The following ZNF383 variants were observed in gnomAD, a reference collection of about 807,000 sequenced individuals.
ZNF383 encodes zinc finger protein 383.
Under a neutral mutation model 44.2 loss-of-function variants are expected in ZNF383, and 32 were observed. The ratio of observed to expected loss-of-function variants is 0.72; its 90% CI spans 0.55 to 0.97. ZNF383 has a LOEUF of 0.97. ZNF383 is among the 50% of genes least tolerant of loss of function. The probability of loss-of-function intolerance (pLI) is 0.00; values close to 1 mark genes in which losing one functional copy is unlikely to be tolerated. For missense variants in ZNF383, 487 were observed against 562.5 expected, an observed-to-expected ratio of 0.87 and a Z score of 1.36; for synonymous variants, 155 against 186.2, an observed-to-expected ratio of 0.83 and a Z score of 1.36.
chr19:37,227,104 G>A (rs1270062106), intron 2 of ZNF383, among the ~76,000 whole-genome samples: 1 of 140,410 alleles, frequency 7.1e-6, no homozygotes, highest in Non-Finnish European at 1.5e-5. Context: ...ACTGCACCCA[G>A]CCAGGCTTTT....
intron 4 of ZNF383, 108 bp from the exon 5 acceptor site, chr19:37,235,871 A>G: frequency 1.6e-6 from 2 of 1,230,388 alleles, no homozygotes; most frequent in Non-Finnish European, 2.3e-6. Flanking sequence ...CTTCATCTTC[A>G]TCTTTCTTTG....
chr19:37,242,693 C>T lies in ZNF383; in HGVS notation c.457C>T (p.Gln153Ter), dbSNP rs1365496667. Residue 153 changes from glutamine to a stop codon, truncating the protein, a stop_gained, in exon 6 of 6, where the codon CAA (glutamine) becomes TAA (stop). Coordinates refer to ENST00000684119, the MANE Select transcript of ZNF383 (RefSeq NM_001387601.1). LOFTEE classifies it high-confidence loss of function. The part of the protein sequence containing the change: ...FTPEYMPTFI[Q>*]QTFLTLHQII... ...TCCTGAATACATGCCCACATTTATT[C>T]AACAGACATTCCTTACTCTCCATCA... 5.6e-6 allele frequency: 9 copies of T among 1,613,914 alleles called. No homozygotes were observed. Among genetic ancestry groups the T allele is most frequent in the South Asian group, 1.1e-5 (1 of 91,074 alleles).
intron 2 of ZNF383, among the ~76,000 whole-genome samples, chr19:37,229,026 G>A (rs1973319118): frequency 6.6e-6 from 1 of 151,578 alleles, no homozygotes; most frequent in Non-Finnish European, 1.5e-5. Context: ...TCTGTTTATT[G>A]TTGTGTAAGT....
chr19:37,243,500 T>A lies in ZNF383; in HGVS notation c.1264T>A (p.Tyr422Asn), dbSNP rs751721571. ...HQRIHTDEKP[Y>N]ECNECGKAFN... ...GAGAATTCATACAGATGAAAAACCA[T>A]ATGAATGTAATGAATGTGGAAAGGC... The change falls in exon 6 of 6, where the codon TAT becomes AAT. Residue 422 changes from tyrosine to asparagine, a missense_variant. By Grantham distance (143) the Tyr-to-Asn change is moderately radical. Transcript: ENST00000684119. 69 of 1,614,040 alleles carry A rather than the reference T, an allele frequency of 4.3e-5. No homozygotes were observed. Among genetic ancestry groups the A allele is most frequent in the Non-Finnish European group, 5.6e-5 (66 of 1,179,986 alleles).
In ZNF383 at chr19:37,248,113, G is replaced by A. The variant is rs1481606654; in HGVS notation, c.*4449G>A. On this transcript the variant is annotated 3_prime_UTR_variant, in exon 6 of 6. Transcript: ENST00000684119. ...ATCATGCCATTGCACTCCAGCCTGG[G>A]CAACAAGAGTGAAACTCTCTCAAAA... is the stretch of plus-strand genomic sequence containing the variant. The A allele has an allele frequency of 6.6e-6, 1 of 152,182 alleles. No homozygotes were observed. Among genetic ancestry groups the A allele is most frequent in the Non-Finnish European group, 1.5e-5 (1 of 68,040 alleles). 9.4% of individuals were successfully genotyped at this position (152,182 alleles called of 1,614,324 possible).
At chr19:37,235,799 G>C in intron 4 of ZNF383, 124 bp downstream of exon 4, 1 of 1,372,670 alleles carries the variant, frequency 7.3e-7, no homozygotes, top group Non-Finnish European at 9.9e-7. Flanking sequence ...CAAACAAATG[G>C]TTTGAGCTGA....
intron 1 of ZNF383, among the ~76,000 whole-genome samples, 180 bp from the exon 2 acceptor site, chr19:37,224,638 G>T (rs937969296): frequency 6.6e-6 from 1 of 150,770 alleles, no homozygotes; most frequent in East Asian, 2.0e-4. Context: ...CTGCAAACTC[G>T]ACCTTCCAGG....
At chr19:37,236,998 G>C (rs62107482) in intron 5 of ZNF383, among the ~76,000 whole-genome samples, 3,675 of 125,226 alleles carry the variant, frequency 0.029, 173 homozygotes, top group African/African-American at 0.091. Context: ...CACACACAGA[G>C]ACACACACAC....
intron 1 of ZNF383, among the ~76,000 whole-genome samples, chr19:37,220,505 G>A (rs1037431151): frequency 7.3e-5 from 11 of 151,488 alleles, no homozygotes; most frequent in Admixed American, 7.2e-4. Context: ...CTCAGGTGAG[G>A]CCTCCCAAAG....
intron 3 of ZNF383, among the ~76,000 whole-genome samples, chr19:37,232,839 T>C (rs1339057527): frequency 6.6e-6 from 1 of 152,266 alleles, no homozygotes; most frequent in Non-Finnish European, 1.5e-5. Context: ...TGTGAACTCA[T>C]GGATTAAACA....
intron 2 of ZNF383, among the ~76,000 whole-genome samples, chr19:37,225,888 C>T (rs968030977): frequency 6.6e-6 from 1 of 150,436 alleles, no homozygotes; most frequent in Non-Finnish European, 1.5e-5. Flanking sequence ...CTCCTGGGTT[C>T]AAGCGATTCC....
At chr19:37,228,497 G>A (rs1053709145) in intron 2 of ZNF383, among the ~76,000 whole-genome samples, 1 of 151,744 alleles carries the variant, frequency 6.6e-6, no homozygotes, top group African/African-American at 2.4e-5. Context: ...AAAACAGCTT[G>A]TGCCCTTGGT....
At chr19:37,225,553 T>C (rs1189684312) in intron 2 of ZNF383, among the ~76,000 whole-genome samples, 2 of 152,156 alleles carry the variant, frequency 1.3e-5, no homozygotes, top group Non-Finnish European at 2.9e-5. Context: ...ACTTTCTGTT[T>C]CTATGAGTTT....
chr19:37,240,764 C>T (rs537048783), intron 5 of ZNF383, among the ~76,000 whole-genome samples: 1 of 152,152 alleles, frequency 6.6e-6, no homozygotes, highest in African/African-American at 2.4e-5. Context: ...ATTAGACTTA[C>T]ATCTGTCTCT....
intron 2 of ZNF383, among the ~76,000 whole-genome samples, chr19:37,228,894 T>A (rs1973313009): frequency 6.6e-6 from 1 of 152,172 alleles, no homozygotes; most frequent in African/African-American, 2.4e-5. Flanking sequence ...CCACCTTTTT[T>A]GTGCACTTTA....
intron 1 of ZNF383, chr19:37,219,814 T>A (rs1188567151): frequency 6.6e-6 from 1 of 152,234 alleles, no homozygotes; most frequent in Non-Finnish European, 1.5e-5. Context: ...AGTCAACAAG[T>A]GACCTGGTTC....
In ZNF383 at chr19:37,246,721, G is replaced by A. The variant is rs1974386421; in HGVS notation, c.*3057G>A. The A allele has an allele frequency of 6.6e-6, 1 of 152,128 alleles. No homozygotes were observed. Among genetic ancestry groups the A allele is most frequent in the East Asian group, 1.9e-4 (1 of 5,190 alleles). 9.4% of individuals were successfully genotyped at this position (152,128 alleles called of 1,614,324 possible). ...GGAGGATTGCTTGAACCTGGGAGTT[G>A]GAGGTTATAGTGAGCTGAGATTGCA... is the stretch of plus-strand genomic sequence containing the variant. On this transcript the variant is annotated 3_prime_UTR_variant, in exon 6 of 6. Coordinates refer to ENST00000684119, the MANE Select transcript of ZNF383 (RefSeq NM_001387601.1).
Position 37,244,800 on chromosome 19 carries a change from G to C in ZNF383, c.*1136G>C, listed in dbSNP as rs1301672459. On this transcript the variant is annotated 3_prime_UTR_variant, in exon 6 of 6. Coordinates refer to ENST00000684119, the MANE Select transcript of ZNF383 (RefSeq NM_001387601.1). ...ATAGATGGCTGCTCTCAATTTGGTA[G>C]AGAAAATCGTGCTATACTTTGCTTT... 1 of 152,204 alleles carries C rather than the reference G, an allele frequency of 6.6e-6. No individual in the cohort carries two copies. Among genetic ancestry groups the C allele is most frequent in the Non-Finnish European group, 1.5e-5 (1 of 68,034 alleles). The allele number at this position is 152,204 out of a possible 1,614,324, so 9.4% of individuals were successfully genotyped here.
In ZNF383 at chr19:37,244,892, A is replaced by G. The variant is rs529193000; in HGVS notation, c.*1228A>G. On this transcript the variant is annotated 3_prime_UTR_variant, in exon 6 of 6. Coordinates refer to ENST00000684119, the MANE Select transcript of ZNF383 (RefSeq NM_001387601.1). ...CTGCTTTTATCATGCCAAAGATTTCATGAGTGCCATTTCAGTAAATATAGA... is the reference window on the plus strand; with the variant it reads ...CTGCTTTTATCATGCCAAAGATTTCGTGAGTGCCATTTCAGTAAATATAGA... 4.0e-5 allele frequency: 6 copies of G among 151,854 alleles called. No homozygotes were observed. The highest frequency in any genetic ancestry group is 3.4e-3 in the Middle Eastern group (1 of 294). 9.4% of individuals were successfully genotyped at this position (151,854 alleles called of 1,614,324 possible).
Sources: allele counts gnomAD v4.1 joint callset (sites outside exome capture counted in the v4.1 genomes callset), GRCh38; gene constraint gnomAD v4.1.1; transcripts MANE v1.5; gene names NCBI Gene and HGNC (gene_info 2026-07-23, HGNC 2026-07-21).